Variants in OBI1 observed in about 807,000 individuals in gnomAD.
OBI1 encodes the protein ORC ubiquitin ligase 1.
OBI1 carries 59 observed loss-of-function variants against 62.4 expected under a neutral mutation model. The observed-to-expected ratio is 0.95, with a 90% CI of 0.77 to 1.17. The LOEUF is 1.17. OBI1 is among the 50% of genes most tolerant of loss of function. The probability of loss-of-function intolerance (pLI) is 0.00; values close to 1 mark genes in which losing one functional copy is unlikely to be tolerated. For missense variants in OBI1, 875 were observed against 830.9 expected (o/e 1.05, Z -0.65); for synonymous variants, 302 against 292.8 (o/e 1.03, Z -0.32).
chr13:78,650,975 C>G (rs906613914), intron 1 of OBI1, among the ~76,000 whole-genome samples: 1 of 152,088 alleles, frequency 6.6e-6, no homozygotes, highest in Non-Finnish European at 1.5e-5. Context: ...TGTCACCAGA[C>G]GCTGGTATTA....
At position 78,624,132 on chromosome 13, in the gene OBI1, A is replaced by G. The variant is rs542318694; in HGVS notation, c.639-7010T>C. 1.6e-4 allele frequency among the ~76,000 whole-genome samples: 25 copies of G among 152,368 alleles called. 1 individual carries two copies. In the South Asian group the frequency reaches 3.5e-3, roughly 21 times the overall value. The stretch of plus-strand genomic sequence containing the variant: ...TATGAAATGAGAAAAACTAAATGCA[A>G]AATTTTAAGGCCTAAACATCACATG... On this transcript the variant is annotated intron_variant, in intron 5 of 5. Coordinates refer to ENST00000282003, the MANE Select transcript of OBI1 (RefSeq NM_024546.4).
chr13:78,649,390 T>C (rs1475949596), intron 1 of OBI1, among the ~76,000 whole-genome samples: 3 of 152,140 alleles, frequency 2.0e-5, no homozygotes, highest in East Asian at 1.9e-4. Flanking sequence ...GCCAGATAAG[T>C]AAAATATTGA....
At chr13:78,634,460 A>G (rs962357947) in intron 5 of OBI1, among the ~76,000 whole-genome samples, 1 of 151,856 alleles carries the variant, frequency 6.6e-6, no homozygotes, top group Non-Finnish European at 1.5e-5. Flanking sequence ...ACGCACAGCT[A>G]ACTTTTTTGT....
rs1224256412 is a variant in OBI1, at chr13:78,647,693, CT to C, written c.73-2697del. Among the ~76,000 whole-genome samples the C allele has an allele frequency of 1.4e-4, 21 of 152,314 alleles. No individual in the cohort carries two copies. In the East Asian group the frequency reaches 2.5e-3, roughly 18 times the overall value. On this transcript the variant is annotated intron_variant, in intron 1 of 5. Coordinates refer to ENST00000282003, the MANE Select transcript of OBI1 (RefSeq NM_024546.4). ...GCACCAGTCTCCTGGGCCCACTGTT[CT>C]TTATACTTTGTCTCTGTGTCTTATT... is the stretch of plus-strand genomic sequence containing the variant.
At chr13:78,658,620 T>C (rs922739238) in intron 1 of OBI1, among the ~76,000 whole-genome samples, 13 of 152,196 alleles carry the variant, frequency 8.5e-5, no homozygotes, top group Admixed American at 6.5e-4. Flanking sequence ...GGATGAACAC[T>C]AGTTACAGAG....
intron 4 of OBI1, 21 bp downstream of exon 4, chr13:78,638,802 T>C (rs1185869122): frequency 6.3e-7 from 1 of 1,589,280 alleles, no homozygotes; most frequent in Non-Finnish European, 8.5e-7. Context: ...CCATAATAGA[T>C]TTTTAAAAAC....
chr13:78,617,439 CA>C (rs1426428051), intron 5 of OBI1: 1 of 230,806 alleles, frequency 4.3e-6, no homozygotes, highest in Non-Finnish European at 8.5e-6. Flanking sequence ...CTCATATATG[CA>C]TGAAGAGTTA....
rs541898489 is a variant in OBI1, at chr13:78,656,438, C to T, written c.72+2611G>A. ...TCTCTACCAAAAATACAAAATTTGC[C>T]GGGCGTGGTGGCGCATGCCTGTAAT... On this transcript the variant is annotated intron_variant, in intron 1 of 5. Transcript: ENST00000282003. 2.6e-3 allele frequency among the ~76,000 whole-genome samples: 392 copies of T among 152,012 alleles called. 1 individual carries two copies. Among genetic ancestry groups the T allele is most frequent in the Non-Finnish European group, 3.8e-3 (256 of 67,982 alleles).
At chr13:78,654,949 T>A (rs1876655969) in intron 1 of OBI1, among the ~76,000 whole-genome samples, 2 of 152,142 alleles carry the variant, frequency 1.3e-5, no homozygotes, top group Admixed American at 1.3e-4. Context: ...GTTTTCAAAA[T>A]ACTCTGGTTT....
At chr13:78,643,549 G>A (rs899641634) in intron 2 of OBI1, among the ~76,000 whole-genome samples, 27 of 152,278 alleles carry the variant, frequency 1.8e-4, no homozygotes, top group African/African-American at 6.5e-4. Flanking sequence ...AGCACTTTGG[G>A]AGGCCAAGGC....
At position 78,651,188 on chromosome 13, in the gene OBI1, C is replaced by T. The variant is rs113606767; in HGVS notation, c.73-6191G>A. On this transcript the variant is annotated intron_variant, in intron 1 of 5. Transcript: ENST00000282003. ...TCTTTCACCTCTCATCTATCCTTTCCTTTGCATCTTCACCCCAATGAATTT... is the reference window on the plus strand; with the variant it reads ...TCTTTCACCTCTCATCTATCCTTTCTTTTGCATCTTCACCCCAATGAATTT... Among the ~76,000 whole-genome samples the T allele has an allele frequency of 6.8e-3, 1,034 of 152,282 alleles. 9 individuals are homozygous for T. Among genetic ancestry groups the T allele is most frequent in the Middle Eastern group, 0.014 (4 of 294 alleles).
chr13:78,621,588 T>C (rs149594920), intron 5 of OBI1, among the ~76,000 whole-genome samples: 535 of 152,268 alleles, frequency 3.5e-3, no homozygotes, highest in Non-Finnish European at 5.8e-3. Flanking sequence ...AATGATAACA[T>C]TGGAAGTGAA....
intron 5 of OBI1, among the ~76,000 whole-genome samples, chr13:78,625,658 C>T (rs1369970742): frequency 6.6e-6 from 1 of 152,204 alleles, no homozygotes; most frequent in Non-Finnish European, 1.5e-5. Flanking sequence ...CAGTACCTGT[C>T]TATCCCCAAT....
chr13:78,616,816 A>G lies in OBI1; in HGVS notation c.945T>C (p.Pro315=). 1 of 1,614,176 alleles carries G rather than the reference A, an allele frequency of 6.2e-7. No homozygotes were observed. Among genetic ancestry groups the G allele is most frequent in the Non-Finnish European group, 8.5e-7 (1 of 1,180,018 alleles). ...TGGTGTCACACAGTCTGCTGCTGGA[A>G]GGCTTCGCTAGGTGAGAAGAACTGG... ...STSSSSHLAK[P]SSSRLCDTSS... The change falls in exon 6 of 6, where the codon CCT becomes CCC. Residue 315 remains proline (P), a synonymous_variant. Transcript: ENST00000282003.
At chr13:78,628,399 G>T (rs1173623298) in intron 5 of OBI1, among the ~76,000 whole-genome samples, 2 of 152,186 alleles carry the variant, frequency 1.3e-5, no homozygotes, top group African/African-American at 4.8e-5. Flanking sequence ...GCAGTAGAAG[G>T]TGCTGAGTGA....
chr13:78,653,305 T>G (rs1025153734), intron 1 of OBI1, among the ~76,000 whole-genome samples: 3 of 152,214 alleles, frequency 2.0e-5, no homozygotes, highest in African/African-American at 7.2e-5. Flanking sequence ...AGCAGCCCCT[T>G]GAAAACAATG....
chr13:78,631,167 C>T lies in OBI1; in HGVS notation c.638+3943G>A, dbSNP rs566288526. ...TCAGTCATAGGAGTTATGCTTTTTTCATTCATTTACTCAATAGATACGTAG... is the reference window on the plus strand; with the variant it reads ...TCAGTCATAGGAGTTATGCTTTTTTTATTCATTTACTCAATAGATACGTAG... On this transcript the variant is annotated intron_variant, in intron 5 of 5. Coordinates refer to ENST00000282003, the MANE Select transcript of OBI1 (RefSeq NM_024546.4). Among the ~76,000 whole-genome samples, 8 of 152,074 alleles carry T rather than the reference C, an allele frequency of 5.3e-5. No individual in the cohort carries two copies. The South Asian group carries it at 1.7e-3, about 32-fold the overall frequency.
chr13:78,655,059 C>A (rs1566288594), intron 1 of OBI1, among the ~76,000 whole-genome samples: 1 of 152,200 alleles, frequency 6.6e-6, no homozygotes, highest in Non-Finnish European at 1.5e-5. Flanking sequence ...AGTTGCTTTG[C>A]ATTTCTCTTG....
chr13:78,658,039 T>A (rs901418041), intron 1 of OBI1, among the ~76,000 whole-genome samples: 6 of 152,350 alleles, frequency 3.9e-5, no homozygotes, highest in African/African-American at 1.4e-4. Flanking sequence ...TTTCTTCTAC[T>A]TTTTGAATCC....
Sources: allele counts gnomAD v4.1 joint callset (sites outside exome capture counted in the v4.1 genomes callset), GRCh38; gene constraint gnomAD v4.1.1; transcripts MANE v1.5; gene names NCBI Gene and HGNC (gene_info 2026-07-23, HGNC 2026-07-21).